Variants in UBQLN1 observed in about 807,000 individuals in gnomAD.
UBQLN1 encodes ubiquilin 1, also known as ubiquilin-1.
A neutral mutation model predicts 65.4 loss-of-function variants in UBQLN1; 13 were observed. That is an observed-to-expected ratio of 0.20 (90% CI 0.13 to 0.32). The LOEUF (loss-of-function observed/expected upper bound fraction) is 0.32. Ranked by LOEUF, UBQLN1 falls within the 10% of genes least tolerant of loss-of-function variation. The pLI is 1.00. For missense variants in UBQLN1, 561 were observed against 724.0 expected, an observed-to-expected ratio of 0.77 and a Z score of 2.58; for synonymous variants, 267 against 247.8, an observed-to-expected ratio of 1.08 and a Z score of -0.73.
At chr9:83,677,459 G>A (rs905930821) in intron 6 of UBQLN1, among the ~76,000 whole-genome samples, 4 of 152,188 alleles carry the variant, frequency 2.6e-5, no homozygotes, top group South Asian at 2.1e-4. Flanking sequence ...CTACTCGGGA[G>A]GCTGAGGCAG....
intron 1 of UBQLN1, among the ~76,000 whole-genome samples, chr9:83,701,940 T>C (rs1414095001): frequency 1.3e-5 from 2 of 152,146 alleles, no homozygotes; most frequent in African/African-American, 4.8e-5. Flanking sequence ...AAAAATAAAA[T>C]GTGGAATGCT....
chr9:83,689,284 T>TG (rs1832089547), intron 1 of UBQLN1, among the ~76,000 whole-genome samples: 1 of 152,254 alleles, frequency 6.6e-6, no homozygotes, highest in South Asian at 2.1e-4. Flanking sequence ...TGCCATTGTA[T>TG]GAATATACCA....
rs182717410 is a variant in UBQLN1 at position 83,669,035 on chromosome 9, C to T, written c.1248+150G>A. The stretch of plus-strand genomic sequence containing the variant: ...AGTATTAATTTACTGCAAAGAAACA[C>T]ACGGTCTAAAAAATTGGAGACACAG... On this transcript the variant is annotated intron_variant, in intron 7 of 10. Coordinates refer to ENST00000376395, the MANE Select transcript of UBQLN1 (RefSeq NM_013438.5). 9.2e-6 allele frequency: 8 copies of T among 869,700 alleles called. No individual in the cohort carries two copies. The East Asian group carries it at 2.2e-4, about 23-fold the overall frequency. 53.9% of individuals were successfully genotyped at this position (869,700 alleles called of 1,614,324 possible).
intron 1 of UBQLN1, among the ~76,000 whole-genome samples, chr9:83,693,347 T>C (rs1832158708): frequency 1.3e-5 from 2 of 152,238 alleles, no homozygotes; most frequent in Admixed American, 1.3e-4. Context: ...TTCTACTGAA[T>C]GTAATTTTAA....
chr9:83,681,186 G>T (rs1490698507), intron 3 of UBQLN1, among the ~76,000 whole-genome samples: 2 of 152,228 alleles, frequency 1.3e-5, no homozygotes, highest in Non-Finnish European at 2.9e-5. Flanking sequence ...CCTGGAAATA[G>T]ATTTCTCTTT....
chr9:83,684,846 A>T lies in UBQLN1; in HGVS notation c.332+1158T>A, dbSNP rs374444040. On this transcript the variant is annotated intron_variant, in intron 2 of 10. Coordinates refer to ENST00000376395, the MANE Select transcript of UBQLN1 (RefSeq NM_013438.5). ...AAAAAAAAGTAAGGAAATAAAAAAA[A>T]CCCTTCCAGATGATACCAGATAAGA... Among the ~76,000 whole-genome samples the T allele has an allele frequency of 4.6e-4, 62 of 134,730 alleles. 1 individual carries two copies. The highest frequency in any genetic ancestry group is 1.7e-3 in the African/African-American group (61 of 36,418). 88.4% of individuals were successfully genotyped at this position (134,730 alleles called of 152,430 possible). A position where few individuals can be genotyped will look rare whatever the true frequency, so the allele number is the denominator to read the frequency against.
intron 1 of UBQLN1, among the ~76,000 whole-genome samples, chr9:83,697,280 C>T (rs371636780): frequency 1.4e-5 from 2 of 147,680 alleles, no homozygotes; most frequent in Admixed American, 1.4e-4. Context: ...AGGCCAGGCG[C>T]GGTGGCTCAC....
Position 83,707,604 on chromosome 9 carries a change from GGGCGCCAGCACCTTCGGCTCCGGC to G in UBQLN1, c.52_75del (p.Ala18_Ala25del), listed in dbSNP as rs766657761. ...GGCTCCGCGGAGGCAGCGGCCGCGGGGGCGCCAGCACCTTCGGCTCCGGCGGCGCTATCCTGGGAGCCCGGAGGA... is the reference window on the plus strand; with the variant it reads ...GGCTCCGCGGAGGCAGCGGCCGCGGGGGCGCTATCCTGGGAGCCCGGAGGA... On this transcript the variant is annotated inframe_deletion, in exon 1 of 11. Transcript: ENST00000376395. 8.8e-6 allele frequency: 14 copies of G among 1,598,070 alleles called. No individual in the cohort carries two copies. The highest frequency in any genetic ancestry group is 1.2e-5 in the Non-Finnish European group (14 of 1,173,166).
intron 5 of UBQLN1, 59 bp from the exon 6 acceptor site, chr9:83,678,020 A>G: frequency 7.7e-7 from 1 of 1,303,230 alleles, no homozygotes; most frequent in Non-Finnish European, 1.0e-6. Context: ...ATAAGATATG[A>G]AACTTTTTTT....
rs372041448 is a variant in UBQLN1 at position 83,669,001 on chromosome 9, T to C, written c.1248+184A>G. 82 of 615,284 alleles carry C rather than the reference T, an allele frequency of 1.3e-4. 1 individual carries two copies. In the African/African-American group the frequency reaches 1.5e-3, roughly 11 times the overall value. The allele number at this position is 615,284 out of a possible 1,614,324, so 38.1% of individuals were successfully genotyped here. A position where few individuals can be genotyped will look rare whatever the true frequency, so the allele number is the denominator to read the frequency against. On this transcript the variant is annotated intron_variant, in intron 7 of 10. Transcript: ENST00000376395. Reference sequence around the variant, plus strand: ...ATGGCAGAGATAAAGTTGTTTTAATTACATATGAAGTATTAATTTACTGCA... The same window carrying C: ...ATGGCAGAGATAAAGTTGTTTTAATCACATATGAAGTATTAATTTACTGCA...
chr9:83,668,743 C>A, intron 7 of UBQLN1: 1 of 615,096 alleles, frequency 1.6e-6, no homozygotes, highest in Non-Finnish European at 2.0e-6. Context: ...AAATTCCCGT[C>A]TTTAATAAAT....
chr9:83,680,103 A>G, intron 3 of UBQLN1, 66 bp from the exon 4 acceptor site: 1 of 1,506,356 alleles, frequency 6.6e-7, no homozygotes, highest in Admixed American at 2.2e-5. Context: ...CATGACATAA[A>G]ATATGAAGAT....
At chr9:83,698,263 T>C (rs975984903) in intron 1 of UBQLN1, among the ~76,000 whole-genome samples, 1 of 151,992 alleles carries the variant, frequency 6.6e-6, no homozygotes, top group Non-Finnish European at 1.5e-5. Flanking sequence ...TGAAATGCAA[T>C]GAAAACAGGA....
At chr9:83,696,168 G>A (rs1047290984) in intron 1 of UBQLN1, among the ~76,000 whole-genome samples, 1 of 152,168 alleles carries the variant, frequency 6.6e-6, no homozygotes, top group South Asian at 2.1e-4. Context: ...TCAAACTCTT[G>A]ACCTCATAAT....
intron 2 of UBQLN1, 33 bp downstream of exon 2, chr9:83,685,971 A>C (rs1564168070): frequency 6.4e-7 from 1 of 1,557,924 alleles, no homozygotes; most frequent in Admixed American, 2.1e-5. Context: ...ATTTATCCAC[A>C]ATTTTAAAGC....
At chr9:83,703,058 A>G (rs1832337507) in intron 1 of UBQLN1, among the ~76,000 whole-genome samples, 1 of 152,082 alleles carries the variant, frequency 6.6e-6, no homozygotes, top group Non-Finnish European at 1.5e-5. Context: ...TATCTGCACT[A>G]ATGTCTCACA....
chr9:83,705,108 A>G lies in UBQLN1; in HGVS notation c.180+2392T>C, dbSNP rs181581253. Among the ~76,000 whole-genome samples the G allele has an allele frequency of 2.3e-4, 35 of 152,330 alleles. 1 individual carries two copies. Among genetic ancestry groups the G allele is most frequent in the Admixed American group, 2.3e-3 (35 of 15,302 alleles). ...AATATGGCTACACACCCGCTAAAAT[A>G]GCTAAAATTACAGAGACTGACAATA... On this transcript the variant is annotated intron_variant, in intron 1 of 10. Transcript: ENST00000376395.
intron 1 of UBQLN1, among the ~76,000 whole-genome samples, chr9:83,693,120 G>A (rs1388596703): frequency 6.6e-6 from 1 of 152,160 alleles, no homozygotes; most frequent in East Asian, 1.9e-4. Flanking sequence ...ACTGAAAGCT[G>A]AGAATTACTA....
chr9:83,666,220 G>T (rs1284083266), intron 8 of UBQLN1, 130 bp downstream of exon 8: 1 of 779,316 alleles, frequency 1.3e-6, no homozygotes, highest in South Asian at 1.7e-5. Context: ...AATTCTCTAC[G>T]AATTGACAGC....
Sources: gnomAD v4.1 joint callset for allele counts (sites outside exome capture counted in the v4.1 genomes callset) on GRCh38, gnomAD v4.1.1 for gene constraint, MANE v1.5 for transcripts, NCBI Gene and HGNC (gene_info 2026-07-23, HGNC 2026-07-21) for gene names.